Variants in CYLD observed in about 807,000 individuals in gnomAD.
The protein encoded by CYLD is CYLD lysine 63 deubiquitinase, also known as ubiquitin carboxyl-terminal hydrolase CYLD.
Under a neutral mutation model 104.5 loss-of-function variants are expected in CYLD, and 26 were observed. The observed-to-expected ratio is 0.25, with a 90% CI of 0.18 to 0.35. The LOEUF (loss-of-function observed/expected upper bound fraction) is 0.35, where lower values mean the gene tolerates loss of function less well. CYLD is among the 10% of genes least tolerant of loss of function. The pLI is 1.00. For missense variants in CYLD, 703 were observed against 1,136.1 expected, an observed-to-expected ratio of 0.62 and a Z score of 5.48; for synonymous variants, 385 against 399.9, an observed-to-expected ratio of 0.96 and a Z score of 0.45.
intron 5 of CYLD, among the ~76,000 whole-genome samples, chr16:50,765,858 T>A (rs570945246): frequency 6.6e-6 from 1 of 152,086 alleles, no homozygotes; most frequent in Admixed American, 6.5e-5. Context: ...TCTGAAAGGC[T>A]GAGAGAGGTA....
Position 50,793,604 on chromosome 16 carries a change from C to T in CYLD, c.2409C>T (p.Tyr803=), listed in dbSNP as rs756449648. The T allele has an allele frequency of 2.2e-5, 36 of 1,613,924 alleles. No homozygotes were observed. The highest frequency in any genetic ancestry group is 1.4e-5 in the Non-Finnish European group (17 of 1,179,998). ...GLAMYECREC[Y]DDPDISAGKI... ...CAATGTATGAGTGTAGAGAATGCTA[C>T]GACGATCCGGACATCTCAGCTGGAA... The change falls in exon 17 of 19, where the codon TAC becomes TAT. Residue 803 remains tyrosine (Y), a synonymous_variant. Transcript: ENST00000427738.
At position 50,777,870 on chromosome 16, in the gene CYLD, A is replaced by G; in HGVS notation, c.1067A>G (p.Tyr356Cys). 6.2e-7 allele frequency: 1 copy of G among 1,609,034 alleles called. No individual in the cohort carries two copies. The change falls in exon 8 of 19, where the codon TAT becomes TGT. Residue 356 changes from tyrosine (Y) to cysteine (C), a missense_variant. Tyr to Cys is a radical substitution (Grantham distance 194). Coordinates refer to ENST00000427738, the MANE Select transcript of CYLD (RefSeq NM_001378743.1). ...AATAGAAACAGATCTGAATTATTTT[A>G]TACCTTAAATGGGTCTTCTGTTGAC... ...PGNRNRSELF[Y>C]TLNGSSVDSQ...
intron 9 of CYLD, 146 bp downstream of exon 9, chr16:50,780,190 T>C (rs1970083703): frequency 3.0e-6 from 3 of 1,005,642 alleles, no homozygotes; most frequent in Non-Finnish European, 4.5e-6. Flanking sequence ...GTTTTCTGAC[T>C]TCCCTTTGCC....
chr16:50,767,565 A>C (rs1039124297), intron 5 of CYLD, among the ~76,000 whole-genome samples: 5 of 151,796 alleles, frequency 3.3e-5, no homozygotes, highest in African/African-American at 4.8e-5. Context: ...CTCTTTACCT[A>C]CCTTAATTGC....
Position 50,799,189 on chromosome 16 carries a change from A to C in CYLD, c.*2681A>C, listed in dbSNP as rs1327200367. 4.3e-6 allele frequency: 1 copy of C among 233,356 alleles called. No individual in the cohort carries two copies. Among genetic ancestry groups the C allele is most frequent in the Non-Finnish European group, 8.5e-6 (1 of 118,072 alleles). 14.5% of individuals were successfully genotyped at this position (233,356 alleles called of 1,614,324 possible). On this transcript the variant is annotated 3_prime_UTR_variant, in exon 19 of 19. Coordinates refer to ENST00000427738, the MANE Select transcript of CYLD (RefSeq NM_001378743.1). ...ATTCCTTATCTACAATCAAGATGAC[A>C]ATGTAATTGAATTATCTTATTTATA...
chr16:50,795,501 G>T, intron 18 of CYLD: 1 of 702,420 alleles, frequency 1.4e-6, no homozygotes, highest in South Asian at 1.5e-5. Context: ...AGGTTGTGAG[G>T]TGTGACTCTC....
Position 50,800,922 on chromosome 16 carries a change from A to C in CYLD, c.*4414A>C, listed in dbSNP as rs747878517. ...GATGTTAAAATGAAAACTCACTGCA[A>C]AAGAGGAGGCAGAGGAAGAAGGAAT... is the stretch of plus-strand genomic sequence containing the variant. On this transcript the variant is annotated 3_prime_UTR_variant, in exon 19 of 19. Transcript: ENST00000427738. 8.6e-6 allele frequency: 2 copies of C among 233,338 alleles called. No homozygotes were observed. The highest frequency in any genetic ancestry group is 2.2e-5 in the African/African-American group (1 of 45,326). 14.5% of individuals were successfully genotyped at this position (233,338 alleles called of 1,614,324 possible). A position where few individuals can be genotyped will look rare whatever the true frequency, so the allele number is the denominator to read the frequency against.
intron 5 of CYLD, among the ~76,000 whole-genome samples, chr16:50,755,086 C>T (rs975054896): frequency 4.7e-5 from 3 of 63,158 alleles, no homozygotes; most frequent in African/African-American, 1.9e-4. Flanking sequence ...CATATACACA[C>T]ATATATACAT....
chr16:50,752,724 A>C (rs1314535290), intron 4 of CYLD, among the ~76,000 whole-genome samples: 1 of 152,040 alleles, frequency 6.6e-6, no homozygotes, highest in Non-Finnish European at 1.5e-5. Flanking sequence ...CTCTGTCTGA[A>C]TTTGCCGGTT....
intron 2 of CYLD, among the ~76,000 whole-genome samples, chr16:50,746,105 A>G (rs955611858): frequency 3.3e-5 from 5 of 152,186 alleles, no homozygotes; most frequent in African/African-American, 7.2e-5. Context: ...TGGCGTGATC[A>G]TGGCTTGCTG....
intron 12 of CYLD, chr16:50,784,656 A>G (rs928522756): frequency 1.9e-6 from 1 of 524,320 alleles, no homozygotes; most frequent in African/African-American, 1.9e-5. Context: ...GGTGTAGAAC[A>G]TAGCATATTC....
intron 10 of CYLD, 137 bp downstream of exon 10, chr16:50,781,548 A>C: frequency 8.9e-7 from 1 of 1,128,708 alleles, no homozygotes; most frequent in South Asian, 1.4e-5. Context: ...ATCAGTAAAA[A>C]TGTTGCATGG....
chr16:50,786,591 T>C, intron 12 of CYLD: 1 of 359,588 alleles, frequency 2.8e-6, no homozygotes, highest in Non-Finnish European at 5.2e-6. Context: ...GAAACCCTGT[T>C]TCTACTAAAA....
In CYLD at chr16:50,784,393, G is replaced by C; in HGVS notation, c.1891G>C (p.Glu631Gln). 1 of 1,613,418 alleles carries C rather than the reference G, an allele frequency of 6.2e-7. No individual in the cohort carries two copies. Among genetic ancestry groups the C allele is most frequent in the Non-Finnish European group, 8.5e-7 (1 of 1,179,622 alleles). ...TAGACCCAAAGAAAAGAACGATGTA[G>C]AATATTATAGTGAAACCCAAGAGCT... ...LLRPKEKNDV[E>Q]YYSETQELLR... The change falls in exon 12 of 19, where the codon GAA becomes CAA. Residue 631 changes from glutamate to glutamine, a missense_variant. By Grantham distance (29) the Glu-to-Gln change is conservative. Transcript: ENST00000427738.
chr16:50,766,446 A>T (rs1008046606), intron 5 of CYLD, among the ~76,000 whole-genome samples: 1 of 152,244 alleles, frequency 6.6e-6, no homozygotes, highest in African/African-American at 2.4e-5. Context: ...AAGGAGATTA[A>T]TGTTGTTTTC....
At chr16:50,768,790 T>C (rs965728959) in intron 5 of CYLD, among the ~76,000 whole-genome samples, 7 of 152,168 alleles carry the variant, frequency 4.6e-5, no homozygotes, top group African/African-American at 1.7e-4. Context: ...TGCTGTTTTT[T>C]TGACGATCTC....
chr16:50,796,954 AGAG>A lies in CYLD; in HGVS notation c.*447_*449del. 1 of 310,914 alleles carries A rather than the reference AGAG, an allele frequency of 3.2e-6. No individual in the cohort carries two copies. Among genetic ancestry groups the A allele is most frequent in the South Asian group, 5.5e-5 (1 of 18,212 alleles). 19.3% of individuals were successfully genotyped at this position (310,914 alleles called of 1,614,324 possible). On this transcript the variant is annotated 3_prime_UTR_variant, in exon 19 of 19. Coordinates refer to ENST00000427738, the MANE Select transcript of CYLD (RefSeq NM_001378743.1). ...AGGAAGAAATAATTTGGTTTTATTA[AGAG>A]TCTACTCTCAATCCAGTTATTAGAG...
chr16:50,784,580 A>G (rs1970617425), intron 12 of CYLD, 129 bp downstream of exon 12: 1 of 1,045,750 alleles, frequency 9.6e-7, no homozygotes, highest in South Asian at 1.4e-5. Context: ...TTATGGTAAA[A>G]TATTACGTTT....
chr16:50,787,272 C>T (rs1390985163), intron 13 of CYLD: 1 of 321,866 alleles, frequency 3.1e-6, no homozygotes, highest in African/African-American at 2.2e-5. Flanking sequence ...GGGTTTTCTA[C>T]ATTTTCCCAC....
Sources: gnomAD v4.1 joint callset for allele counts (sites outside exome capture counted in the v4.1 genomes callset) on GRCh38, gnomAD v4.1.1 for gene constraint, MANE v1.5 for transcripts, NCBI Gene and HGNC (gene_info 2026-07-23, HGNC 2026-07-21) for gene names.